Variants in MARK2 observed in about 807,000 individuals in gnomAD.
MARK2 encodes the protein serine/threonine-protein kinase MARK2.
Under a neutral mutation model 89.8 loss-of-function variants are expected in MARK2, and 16 were observed. That is an observed-to-expected ratio of 0.18 (90% CI 0.12 to 0.27). MARK2 has a LOEUF of 0.27. Among genes scored for constraint, MARK2 ranks in the 10% least tolerant of loss-of-function variants. The pLI is 1.00. For missense variants in MARK2, 621 were observed against 1,049.9 expected (o/e 0.59, Z 5.65); for synonymous variants, 382 against 399.5 (o/e 0.96, Z 0.52).
intron 1 of MARK2, among the ~76,000 whole-genome samples, chr11:63,884,621 C>T (rs1939286664): frequency 6.6e-6 from 1 of 152,226 alleles, no homozygotes; most frequent in Non-Finnish European, 1.5e-5. Context: ...TGCCTCCCAT[C>T]TACAATGGGA....
chr11:63,866,296 G>C lies in MARK2; in HGVS notation c.54+26736G>C, dbSNP rs545095852. ...GAACCCAGAAGGCAGAGGTTGCAGT[G>C]AGCAGAGATTGTGCCACTTTACTCC... is the stretch of plus-strand genomic sequence containing the variant. On this transcript the variant is annotated intron_variant, in intron 1 of 18. Transcript: ENST00000402010. 4.7e-5 allele frequency among the ~76,000 whole-genome samples: 7 copies of C among 149,264 alleles called. No homozygotes were observed. In the South Asian group the frequency reaches 8.4e-4, roughly 18 times the overall value.
At chr11:63,899,277 G>A (rs1397570005) in intron 7 of MARK2, among the ~76,000 whole-genome samples, 169 bp downstream of exon 7, 3 of 147,864 alleles carry the variant, frequency 2.0e-5, no homozygotes, top group East Asian at 4.0e-4. Flanking sequence ...TGACCAGAAA[G>A]CCCCTAGGGC....
chr11:63,884,018 G>C (rs1442116770), intron 1 of MARK2, among the ~76,000 whole-genome samples: 2 of 152,222 alleles, frequency 1.3e-5, no homozygotes, highest in African/African-American at 2.4e-5. Context: ...GTAAGCAACA[G>C]AGGTGGGCAG....
In MARK2 at chr11:63,909,285, TGCCGGCC is replaced by T. The variant is rs1565154123; in HGVS notation, c.*51_*57del. ...GCGGGGGCGGGCCAGCTGGACGGGCTGCCGGCCGCTGCGCCGCCCCACCTGGGCGAGA... is the reference window on the plus strand; with the variant it reads ...GCGGGGGCGGGCCAGCTGGACGGGCTGCTGCGCCGCCCCACCTGGGCGAGA... On this transcript the variant is annotated 3_prime_UTR_variant, in exon 19 of 19. Transcript: ENST00000402010. The T allele has an allele frequency of 1.3e-6, 2 of 1,490,388 alleles. No individual in the cohort carries two copies. Among genetic ancestry groups the T allele is most frequent in the Non-Finnish European group, 1.8e-6 (2 of 1,116,692 alleles). 92.3% of individuals were successfully genotyped at this position (1,490,388 alleles called of 1,614,324 possible).
In MARK2 at chr11:63,857,834, C is replaced by T. The variant is rs184498488; in HGVS notation, c.54+18274C>T. 2.4e-3 allele frequency among the ~76,000 whole-genome samples: 371 copies of T among 152,056 alleles called. 14 individuals are homozygous for T. Among genetic ancestry groups the T allele is most frequent in the Admixed American group, 0.024 (368 of 15,260 alleles). On this transcript the variant is annotated intron_variant, in intron 1 of 18. Transcript: ENST00000402010. The stretch of plus-strand genomic sequence containing the variant: ...TGGTTCTCCATGACTTTGGTTGATA[C>T]ATTTTTTTTTTATTTTTTTATTTTT...
At position 63,899,946 on chromosome 11, in the gene MARK2, T is replaced by C; in HGVS notation, c.604T>C (p.Phe202Leu). The change falls in exon 8 of 19, where the codon TTT becomes CTT. Residue 202 changes from phenylalanine (F) to leucine (L), a missense_variant. This residue lies in a region of MARK2 where 82 missense variants were observed against 287.7 expected (regional missense o/e 0.29). Transcript: ENST00000402010. ...ADFGFSNEFT[F>L]GNKLDTFCGS... is the part of the protein sequence containing the mutation. ...CTTTGGCTTCAGCAATGAATTCACC[T>C]TTGGGAACAAGCTGGACACCTTCTG... 6.2e-7 allele frequency: 1 copy of C among 1,614,224 alleles called. No individual in the cohort carries two copies. The highest frequency in any genetic ancestry group is 2.2e-5 in the East Asian group (1 of 44,890).
intron 1 of MARK2, among the ~76,000 whole-genome samples, chr11:63,863,705 CTGCCTGCCTT>C (rs896129960): frequency 2.7e-4 from 41 of 151,918 alleles, no homozygotes; most frequent in African/African-American, 9.6e-4. Context: ...CTCAAGTGAT[CTGCCTGCCTT>C]TGCCTCCCAA....
intron 1 of MARK2, among the ~76,000 whole-genome samples, chr11:63,866,849 A>G (rs928375336): frequency 6.6e-6 from 1 of 152,158 alleles, no homozygotes; most frequent in African/African-American, 2.4e-5. Context: ...TGGGGCCTTA[A>G]TCTTTACCCC....
Position 63,855,538 on chromosome 11 carries a change from A to C in MARK2, c.54+15978A>C, listed in dbSNP as rs141537024. 2.0e-4 allele frequency among the ~76,000 whole-genome samples: 30 copies of C among 152,216 alleles called. 1 individual carries two copies. The East Asian group carries it at 4.1e-3, about 21-fold the overall frequency. ...CCTTATTTCAAAAACAAAAAAAAAA[A>C]AAAACAGTGCAGGATGACTAATGTA... On this transcript the variant is annotated intron_variant, in intron 1 of 18. Transcript: ENST00000402010.
rs530755906 is a variant in MARK2 at position 63,848,678 on chromosome 11, G to A, written c.54+9118G>A. Among the ~76,000 whole-genome samples the A allele has an allele frequency of 7.5e-4, 114 of 151,702 alleles. 3 individuals carry two copies. The South Asian group carries it at 0.023, about 31-fold the overall frequency. On this transcript the variant is annotated intron_variant, in intron 1 of 18. Transcript: ENST00000402010. ...CCATTCTCCTGCCTCAGCCTCCCGA[G>A]TAGCTGGGACTTCAGGCGCCCACCA...
chr11:63,849,126 G>C (rs909682273), intron 1 of MARK2, among the ~76,000 whole-genome samples: 2 of 152,128 alleles, frequency 1.3e-5, no homozygotes, highest in Admixed American at 6.6e-5. Flanking sequence ...TCCCACCTTA[G>C]CTTCCAGAGT....
At chr11:63,863,310 T>G (rs1442751354) in intron 1 of MARK2, among the ~76,000 whole-genome samples, 2 of 152,132 alleles carry the variant, frequency 1.3e-5, no homozygotes, top group African/African-American at 2.4e-5. Context: ...AATGGTTGCT[T>G]TATGTCTCTC....
chr11:63,885,929 C>T (rs376539349), intron 1 of MARK2, among the ~76,000 whole-genome samples: 1 of 151,740 alleles, frequency 6.6e-6, no homozygotes, highest in Non-Finnish European at 1.5e-5. Flanking sequence ...GAGATCGAGA[C>T]CATCCTGGCC....
intron 1 of MARK2, among the ~76,000 whole-genome samples, chr11:63,860,708 A>G (rs1937710936): frequency 6.6e-6 from 1 of 151,830 alleles, no homozygotes; most frequent in South Asian, 2.1e-4. Context: ...AATACAAAAA[A>G]TTAGCTGGGT....
intron 1 of MARK2, chr11:63,888,605 C>T (rs986446541): frequency 7.8e-6 from 9 of 1,147,584 alleles, no homozygotes; most frequent in Middle Eastern, 4.0e-4. Context: ...GTGTGCTGTC[C>T]TGGAATTGCA....
At chr11:63,905,447 C>G (rs1410697272) in intron 16 of MARK2, among the ~76,000 whole-genome samples, 1 of 152,240 alleles carries the variant, frequency 6.6e-6, no homozygotes, top group Admixed American at 6.5e-5. Flanking sequence ...AAAATTTTGT[C>G]CTGGTCTCTT....
chr11:63,900,777 C>G lies in MARK2; in HGVS notation c.889-3C>G. ...TGCCCTTTTCCTTCTCTGTGCTCCCCAGCAAATCATGAAAGATCGATGGAT... is the reference window on the plus strand; with the variant it reads ...TGCCCTTTTCCTTCTCTGTGCTCCCGAGCAAATCATGAAAGATCGATGGAT... On this transcript the variant is annotated splice_polypyrimidine_tract_variant and splice_region_variant and intron_variant, in intron 9 of 18. Transcript: ENST00000402010. This position sits in a 1 kb window ranked among gnomAD's most constrained non-coding sequence, Gnocchi z 4.7. The G allele has an allele frequency of 6.2e-7, 1 of 1,614,092 alleles. No individual in the cohort carries two copies. Among genetic ancestry groups the G allele is most frequent in the Non-Finnish European group, 8.5e-7 (1 of 1,179,958 alleles).
At chr11:63,846,581 C>T (rs1208867786) in intron 1 of MARK2, among the ~76,000 whole-genome samples, 1 of 151,778 alleles carries the variant, frequency 6.6e-6, no homozygotes, top group Non-Finnish European at 1.5e-5. Flanking sequence ...GCCTTGAACT[C>T]ATGACCTCGT....
rs550000009 is a variant in MARK2 at position 63,846,756 on chromosome 11, C to T, written c.54+7196C>T. ...CTGCAAGGTCCGCCTCCCGGATTCACGCCATTCTCCTGCCTCAGCCTCCCG... is the reference window on the plus strand; with the variant it reads ...CTGCAAGGTCCGCCTCCCGGATTCATGCCATTCTCCTGCCTCAGCCTCCCG... On this transcript the variant is annotated intron_variant, in intron 1 of 18. Coordinates refer to ENST00000402010, the MANE Select transcript of MARK2 (RefSeq NM_001039469.3). Among the ~76,000 whole-genome samples the T allele has an allele frequency of 1.2e-3, 184 of 151,416 alleles. 1 individual carries two copies. Among genetic ancestry groups the T allele is most frequent in the African/African-American group, 4.2e-3 (174 of 41,252 alleles).
Sources: gnomAD v4.1 joint callset for allele counts (sites outside exome capture counted in the v4.1 genomes callset) on GRCh38, gnomAD v4.1.1 for gene constraint, gnomAD v4.1.1 regional missense constraint, Gnocchi (gnomAD v3.1) non-coding constraint, MANE v1.5 for transcripts, NCBI Gene and HGNC (gene_info 2026-07-23, HGNC 2026-07-21) for gene names.